EIF3A: variants seen among roughly 807,000 people sequenced by gnomAD.
EIF3A encodes EIF3, p180 subunit.
In EIF3A, 21 loss-of-function variants were observed where a neutral mutation model predicts 186.6. That is an observed-to-expected ratio of 0.11 (90% CI 0.08 to 0.16). EIF3A has a LOEUF of 0.16. Among genes scored for constraint, EIF3A ranks in the 10% least tolerant of loss-of-function variants. EIF3A has a pLI of 1.00. For synonymous variants in EIF3A, 563 were observed against 584.3 expected (o/e 0.96, Z 0.52); for missense variants, 1,306 against 1,796.3 (o/e 0.73, Z 4.93).
intron 7 of EIF3A, among the ~76,000 whole-genome samples, chr10:119,062,658 A>G (rs564648385): frequency 1.1e-4 from 16 of 152,220 alleles, no homozygotes; most frequent in Non-Finnish European, 2.1e-4. Flanking sequence ...TTAGTGGCTC[A>G]AATTCTACTT....
At chr10:119,041,707 C>T (rs1171692720) in intron 19 of EIF3A, among the ~76,000 whole-genome samples, 2 of 152,052 alleles carry the variant, frequency 1.3e-5, no homozygotes, top group Admixed American at 6.5e-5. Context: ...AAAAATACAC[C>T]AATACTGAAA....
intron 20 of EIF3A, among the ~76,000 whole-genome samples, chr10:119,037,907 A>AT (rs575308953): frequency 0.74 from 69,185 of 93,172 alleles, 30,044 homozygotes; most frequent in Non-Finnish European, 0.9. Context: ...TTAAGAGGGA[A>AT]TTTTTTTTTT....
In EIF3A at chr10:119,065,565, G is replaced by C. The variant is rs748949956; in HGVS notation, c.956C>G (p.Ser319Cys). The change falls in exon 7 of 22, where the codon TCT becomes TGT. Residue 319 changes from serine to cysteine, a missense_variant. Physicochemically the swap from Ser to Cys is moderately radical, Grantham distance 112. Transcript: ENST00000369144. The stretch of plus-strand genomic sequence containing the variant: ...AAGAGTGGCTAAAAGGACTCTAGTA[G>C]ACATTCTATGGAGAACAAAGTTTTA... Reference protein sequence around the residue: ...NLTQDEMQRMSTRVLLATLSI... With the variant: ...NLTQDEMQRMCTRVLLATLSI... 3.9e-5 allele frequency: 62 copies of C among 1,603,978 alleles called. No individual in the cohort carries two copies. Among genetic ancestry groups the C allele is most frequent in the South Asian group, 1.1e-5 (1 of 90,664 alleles).
chr10:119,068,362 G>A (rs1484800707), intron 6 of EIF3A, among the ~76,000 whole-genome samples: 1 of 152,066 alleles, frequency 6.6e-6, no homozygotes, highest in African/African-American at 2.4e-5. Context: ...TTTGCAATCA[G>A]GAAAAAATGA....
Position 119,042,197 on chromosome 10 carries a change from C to T in EIF3A, c.3323G>A (p.Gly1108Asp). The stretch of plus-strand genomic sequence containing the variant: ...ATCATCATCCAACCCTCGCCTGGGA[C>T]CCCGGTCATCATCCATGCCTCGCCT... ...GPRRGMDDDRGPRRGLDDDRG... is the reference protein window; with the variant it reads ...GPRRGMDDDRDPRRGLDDDRG... Residue 1108 changes from glycine to aspartate, a missense_variant, in exon 19 of 22, where the codon GGT becomes GAT. Gly to Asp is a moderately conservative substitution (Grantham distance 94). This residue lies in a region of EIF3A where 27 missense variants were observed against 64.8 expected (regional missense o/e 0.42). Transcript: ENST00000369144. This position sits in a 1 kb window ranked among gnomAD's most constrained non-coding sequence, Gnocchi z 7.8. 1 of 1,611,452 alleles carries T rather than the reference C, an allele frequency of 6.2e-7. No individual in the cohort carries two copies. Among genetic ancestry groups the T allele is most frequent in the Non-Finnish European group, 8.5e-7 (1 of 1,179,376 alleles).
intron 21 of EIF3A, among the ~76,000 whole-genome samples, chr10:119,036,659 T>C (rs754822851): frequency 2.0e-4 from 30 of 152,294 alleles, no homozygotes; most frequent in Middle Eastern, 3.4e-3. Context: ...TTTAAAGTTA[T>C]GGCTATGAGA....
chr10:119,042,152 G>A lies in EIF3A; in HGVS notation c.3368C>T (p.Ala1123Val). ...LDDDRGPWRN[A>V]DDDRIPRRGA... The stretch of plus-strand genomic sequence containing the variant: ...ACGCCTGGGAATTCTGTCATCATCG[G>A]CGTTCCTCCAAGGTCCTCGATCATC... Residue 1123 changes from alanine (A) to valine (V), a missense_variant, in exon 19 of 22, where the codon GCC (alanine) becomes GTC (valine). Ala to Val is a moderately conservative substitution (Grantham distance 64, BLOSUM62 0). Around this residue, in one of 8 missense-constraint regions of EIF3A, gnomAD observed 331 missense variants for 365.8 expected, o/e 0.90. Coordinates refer to ENST00000369144, the MANE Select transcript of EIF3A (RefSeq NM_003750.4). This position sits in a 1 kb window ranked among gnomAD's most constrained non-coding sequence, Gnocchi z 7.8. 6.2e-7 allele frequency: 1 copy of A among 1,614,014 alleles called. No individual in the cohort carries two copies. Among genetic ancestry groups the A allele is most frequent in the Non-Finnish European group, 8.5e-7 (1 of 1,180,010 alleles).
At chr10:119,046,108 A>G (rs1486366324) in intron 17 of EIF3A, among the ~76,000 whole-genome samples, 1 of 152,204 alleles carries the variant, frequency 6.6e-6, no homozygotes, top group Non-Finnish European at 1.5e-5. Context: ...GCCAAAAAGA[A>G]ACAAAGATAC....
chr10:119,072,779 T>C (rs1450464639), intron 4 of EIF3A, 111 bp downstream of exon 4: 6 of 1,323,928 alleles, frequency 4.5e-6, no homozygotes, highest in African/African-American at 4.4e-5. Flanking sequence ...CTCATGTGAA[T>C]GCCAACATTT....
rs540020981 is a variant in EIF3A, at chr10:119,052,246, CAGG to C, written c.2197-928_2197-926del. Among the ~76,000 whole-genome samples, 47 of 152,264 alleles carry C rather than the reference CAGG, an allele frequency of 3.1e-4. No homozygotes were observed. In the South Asian group the frequency reaches 9.1e-3, roughly 30 times the overall value. On this transcript the variant is annotated intron_variant, in intron 14 of 21. Transcript: ENST00000369144. ...TCAACAATGTTCGTAGCATTTTCAC[CAGG>C]AGATTTCAAGAAACCACTTACTTTG...
At chr10:119,048,976 T>C (rs1157107696) in intron 17 of EIF3A, among the ~76,000 whole-genome samples, 1 of 152,206 alleles carries the variant, frequency 6.6e-6, no homozygotes, top group African/African-American at 2.4e-5. Flanking sequence ...CAAACGATGA[T>C]GTCTTTCATG....
chr10:119,044,246 G>T, intron 17 of EIF3A, 104 bp from the exon 18 acceptor site: 1 of 767,120 alleles, frequency 1.3e-6, no homozygotes. Flanking sequence ...ACAATATGAA[G>T]CCCTTAAATA....
In EIF3A at chr10:119,050,591, T is replaced by C; in HGVS notation, c.2403A>G (p.Glu801=). The C allele has an allele frequency of 6.2e-7, 1 of 1,614,120 alleles. No individual in the cohort carries two copies. The highest frequency in any genetic ancestry group is 8.5e-7 in the Non-Finnish European group (1 of 1,179,992). The change falls in exon 16 of 22, where the codon GAA becomes GAG. Residue 801 remains glutamate, a synonymous_variant. Coordinates refer to ENST00000369144, the MANE Select transcript of EIF3A (RefSeq NM_003750.4). ...TTTCTCTATAGTATGTTATCCTGCG[T>C]TCTTCTTTACGCTGCCTTTTCCGTT... ...LEERKRQRKE[E]RRITYYREKE...
In EIF3A at chr10:119,038,391, G is replaced by A. The variant is rs751651440; in HGVS notation, c.3575C>T (p.Pro1192Leu). The A allele has an allele frequency of 2.5e-6, 4 of 1,613,850 alleles. No individual in the cohort carries two copies. In the African/African-American group the frequency reaches 5.3e-5, roughly 22 times the overall value. ...EKAREESWGP[P>L]RESRPSEERE... ...TTCTTCTGATGGCCTTGATTCTCGA[G>A]GTGGACCCCAGCTCTCCTCTCTGGC... Residue 1192 changes from proline (P) to leucine (L), a missense_variant, in exon 20 of 22, where the codon CCT becomes CTT. By Grantham distance (98) the Pro-to-Leu change is moderately conservative. Around this residue, in one of 8 missense-constraint regions of EIF3A, gnomAD observed 331 missense variants for 365.8 expected, o/e 0.90. Coordinates refer to ENST00000369144, the MANE Select transcript of EIF3A (RefSeq NM_003750.4).
At chr10:119,066,873 C>G (rs1036963441) in intron 6 of EIF3A, among the ~76,000 whole-genome samples, 1 of 152,202 alleles carries the variant, frequency 6.6e-6, no homozygotes, top group Admixed American at 6.5e-5. Context: ...GTAGTACTCT[C>G]TGAAGGCAAG....
chr10:119,073,774 T>A lies in EIF3A; in HGVS notation c.213A>T (p.Leu71Phe). The A allele has an allele frequency of 6.2e-7, 1 of 1,612,508 alleles. No homozygotes were observed. The highest frequency in any genetic ancestry group is 8.5e-7 in the Non-Finnish European group (1 of 1,179,362). The change falls in exon 2 of 22, where the codon TTA (leucine) becomes TTT (phenylalanine). Residue 71 changes from leucine (L) to phenylalanine (F), a missense_variant. Leu to Phe is a conservative substitution (Grantham distance 22). Transcript: ENST00000369144. ...GTTGACAAATGTTCTTATACTGGTA[T>A]AACCCCTCCTTTGCCAAGTGGCTCT... Reference protein sequence around the residue: ...LRKSHLAKEGLYQYKNICQQV... With the variant: ...LRKSHLAKEGFYQYKNICQQV...
In EIF3A at chr10:119,036,229, C is replaced by T. The variant is rs769076103; in HGVS notation, c.3959G>A (p.Arg1320Gln). Residue 1320 changes from arginine (R) to glutamine (Q), a missense_variant, in exon 22 of 22, where the codon CGG becomes CAG. By Grantham distance (43) the Arg-to-Gln change is conservative. Coordinates refer to ENST00000369144, the MANE Select transcript of EIF3A (RefSeq NM_003750.4). ...WRRADDRKDDRVEERDPPRRV... is the reference protein window; with the variant it reads ...WRRADDRKDDQVEERDPPRRV... ...ACGAGGAGGGTCCCGCTCTTCCACCCGGTCATCTTTCCTGTCATCAGCACG... is the reference window on the plus strand; with the variant it reads ...ACGAGGAGGGTCCCGCTCTTCCACCTGGTCATCTTTCCTGTCATCAGCACG... 6 of 1,613,636 alleles carry T rather than the reference C, an allele frequency of 3.7e-6. No homozygotes were observed. The South Asian group carries it at 4.4e-5, about 12-fold the overall frequency.
intron 17 of EIF3A, 29 bp from the exon 18 acceptor site, chr10:119,044,171 T>TAC (rs1233823300): frequency 1.4e-6 from 2 of 1,461,434 alleles, no homozygotes; most frequent in Non-Finnish European, 1.9e-6. Context: ...AAAGAAGCAT[T>TAC]ACATTGGTAA....
intron 4 of EIF3A, among the ~76,000 whole-genome samples, chr10:119,071,490 C>G (rs1037121314): frequency 2.0e-5 from 3 of 152,078 alleles, no homozygotes; most frequent in African/African-American, 7.2e-5. Context: ...CTACATAATA[C>G]AAATTGAGGG....
Sources: gnomAD v4.1 joint callset for allele counts (sites outside exome capture counted in the v4.1 genomes callset) on GRCh38, gnomAD v4.1.1 for gene constraint, gnomAD v4.1.1 regional missense constraint, Gnocchi (gnomAD v3.1) non-coding constraint, MANE v1.5 for transcripts, NCBI Gene and HGNC (gene_info 2026-07-23, HGNC 2026-07-21) for gene names.